Variants in TP63 observed in about 807,000 individuals in gnomAD.
The protein encoded by TP63 is tumor protein p63.
A neutral mutation model predicts 82.8 loss-of-function variants in TP63; 17 were observed. That is an observed-to-expected ratio of 0.21 (90% confidence interval 0.14 to 0.31). TP63 has a LOEUF of 0.31. Among genes scored for constraint, TP63 ranks in the 10% least tolerant of loss-of-function variants. The probability of loss-of-function intolerance (pLI) is 1.00; values close to 1 mark genes in which losing one functional copy is unlikely to be tolerated. For synonymous variants in TP63, 330 were observed against 321.7 expected (o/e 1.03, Z -0.28); for missense variants, 648 against 895.3 (o/e 0.72, Z 3.52).
chr3:189,679,411 GTCA>G (rs1433777115), intron 1 of TP63, among the ~76,000 whole-genome samples: 4 of 151,860 alleles, frequency 2.6e-5, no homozygotes, highest in Non-Finnish European at 5.9e-5. Flanking sequence ...CATATACCTA[GTCA>G]TCATTTGTAA....
At chr3:189,611,320 A>T in the TP63 span, among the ~76,000 whole-genome samples, 1 of 152,156 alleles carries the variant, frequency 6.6e-6, no homozygotes, top group East Asian at 1.9e-4. Context: ...TGGTTTTCGT[A>T]TATGGTTTAA....
chr3:189,825,721 G>T (rs953550512), intron 4 of TP63, among the ~76,000 whole-genome samples: 1 of 152,094 alleles, frequency 6.6e-6, no homozygotes, highest in African/African-American at 2.4e-5. Context: ...AAAGATAGTG[G>T]AAGCCTTCTC....
chr3:189,633,387 C>T (rs897887098), intron 1 of TP63, among the ~76,000 whole-genome samples: 18 of 151,980 alleles, frequency 1.2e-4, no homozygotes, highest in Non-Finnish European at 2.5e-4. Context: ...TCCCACCTTC[C>T]ACCCTCTGAA....
At chr3:189,757,628 G>T (rs1182411951) in intron 3 of TP63, among the ~76,000 whole-genome samples, 2 of 152,164 alleles carry the variant, frequency 1.3e-5, no homozygotes, top group Non-Finnish European at 2.9e-5. Flanking sequence ...AATCTACACA[G>T]ATTTGTATTT....
intron 1 of TP63, among the ~76,000 whole-genome samples, chr3:189,637,521 G>A (rs1052335348): frequency 2.0e-5 from 3 of 152,142 alleles, no homozygotes; most frequent in Admixed American, 6.6e-5. Context: ...GAATCCCAGA[G>A]TGGTTAAGTG....
rs562972525 is a variant in TP63 at position 189,762,253 on chromosome 3, A to G, written c.324+23479A>G. 2.6e-5 allele frequency among the ~76,000 whole-genome samples: 4 copies of G among 152,360 alleles called. No homozygotes were observed. In the South Asian group the frequency reaches 8.3e-4, roughly 32 times the overall value. On this transcript the variant is annotated intron_variant, in intron 3 of 13. Transcript: ENST00000264731. ...TTAGGGCCACTTCAAAATATGGCAAAGAAACATATTTTGGTATAAAATATT... is the reference window on the plus strand; with the variant it reads ...TTAGGGCCACTTCAAAATATGGCAAGGAAACATATTTTGGTATAAAATATT...
At chr3:189,884,778 C>T (rs1345016303) in intron 10 of TP63, among the ~76,000 whole-genome samples, 2 of 152,176 alleles carry the variant, frequency 1.3e-5, no homozygotes, top group African/African-American at 4.8e-5. Context: ...TGTTAATTTA[C>T]ATTAATTGAC....
At chr3:189,775,335 CA>C (rs1723714657) in intron 3 of TP63, among the ~76,000 whole-genome samples, 1 of 151,740 alleles carries the variant, frequency 6.6e-6, no homozygotes, top group Non-Finnish European at 1.5e-5. Flanking sequence ...TTTACATCTT[CA>C]AACTCATTCT....
At chr3:189,887,245 G>T (rs945147092) in intron 11 of TP63, among the ~76,000 whole-genome samples, 4 of 150,402 alleles carry the variant, frequency 2.7e-5, no homozygotes, top group Non-Finnish European at 5.9e-5. Flanking sequence ...GTAGATTATC[G>T]TCTGGACTCT....
chr3:189,724,071 A>G (rs1327095925), intron 1 of TP63, among the ~76,000 whole-genome samples: 1 of 140,342 alleles, frequency 7.1e-6, no homozygotes, highest in African/African-American at 2.7e-5. Context: ...CACAGAGGTC[A>G]TTGCAATATA....
chr3:189,636,083 A>T (rs971147753), intron 1 of TP63, among the ~76,000 whole-genome samples: 2 of 152,128 alleles, frequency 1.3e-5, no homozygotes, highest in African/African-American at 4.8e-5. Flanking sequence ...GTTACAGTTT[A>T]TCTTCAGCAT....
intron 10 of TP63, among the ~76,000 whole-genome samples, chr3:189,876,838 G>T (rs1425721540): frequency 6.6e-6 from 1 of 152,048 alleles, no homozygotes; most frequent in Non-Finnish European, 1.5e-5. Flanking sequence ...CATTTGAAAA[G>T]AATAAATCAG....
chr3:189,737,667 T>TTTAAATTC, intron 1 of TP63, 73 bp from the exon 2 acceptor site: 2 of 1,523,712 alleles, frequency 1.3e-6, no homozygotes, highest in East Asian at 4.5e-5. Context: ...CATGATAGAG[T>TTTAAATTC]ATGCTTTAAT....
At chr3:189,836,449 G>C (rs987293574) in intron 4 of TP63, among the ~76,000 whole-genome samples, 1 of 152,140 alleles carries the variant, frequency 6.6e-6, no homozygotes, top group African/African-American at 2.4e-5. Flanking sequence ...ATAGGGTTGG[G>C]CAAAGCAAAG....
intron 4 of TP63, among the ~76,000 whole-genome samples, chr3:189,811,896 TCTTATGTC>T (rs2108647563): frequency 6.6e-6 from 1 of 152,312 alleles, no homozygotes; most frequent in East Asian, 1.9e-4. Flanking sequence ...GGAGCTTGCC[TCTTATGTC>T]CCAGAGTCCA....
chr3:189,601,906 G>A, the TP63 span, among the ~76,000 whole-genome samples: 1 of 152,154 alleles, frequency 6.6e-6, no homozygotes, highest in African/African-American at 2.4e-5. Flanking sequence ...GATGCCCACG[G>A]TATGCTCTTC....
intron 3 of TP63, among the ~76,000 whole-genome samples, chr3:189,798,148 T>G (rs759670687): frequency 2.6e-5 from 4 of 152,054 alleles, no homozygotes; most frequent in Non-Finnish European, 5.9e-5. Context: ...TGCTGTTGCT[T>G]GAAGGGATAT....
intron 10 of TP63, chr3:189,881,183 C>A: frequency 2.0e-6 from 2 of 977,734 alleles, no homozygotes; most frequent in Non-Finnish European, 2.4e-6. Context: ...AGGAGACTTA[C>A]GTTTTGAGTA....
At chr3:189,818,385 C>G (rs554951338) in intron 4 of TP63, among the ~76,000 whole-genome samples, 4 of 152,094 alleles carry the variant, frequency 2.6e-5, no homozygotes, top group African/African-American at 9.6e-5. Flanking sequence ...TTCTCATTGT[C>G]ATATAAACTT....
Sources: gnomAD v4.1 joint callset for allele counts (sites outside exome capture counted in the v4.1 genomes callset) on GRCh38, gnomAD v4.1.1 for gene constraint, MANE v1.5 for transcripts, NCBI Gene and HGNC (gene_info 2026-07-23, HGNC 2026-07-21) for gene names.